FRAS1: variants seen among roughly 807,000 people sequenced by gnomAD.
FRAS1 encodes the protein extracellular matrix organizing protein FRAS1.
In FRAS1, 290 loss-of-function variants were observed where a neutral mutation model predicts 435.2. The observed-to-expected ratio is 0.67, with a 90% CI of 0.61 to 0.73. FRAS1 has a LOEUF of 0.73. FRAS1 is among the 30% of genes least tolerant of loss of function. The pLI, the probability that FRAS1 is intolerant of heterozygous loss-of-function variation, is 0.00. For synonymous variants in FRAS1, 1,800 were observed against 1,851.0 expected, an observed-to-expected ratio of 0.97 and a Z score of 0.71; for missense variants, 4,860 against 5,001.5, an observed-to-expected ratio of 0.97 and a Z score of 0.85.
chr4:78,218,210 CTT>C lies in FRAS1; in HGVS notation c.109-19299_109-19298del, dbSNP rs1723886768. 2.0e-5 allele frequency among the ~76,000 whole-genome samples: 3 copies of C among 149,358 alleles called. No homozygotes were observed. The South Asian group carries it at 6.5e-4, about 33-fold the overall frequency. ...ATCCTGGTTTCTCCTCTCTTGGACT[CTT>C]AAGAAATCTGATTGATTTTGGAGAA... is the stretch of plus-strand genomic sequence containing the variant. On this transcript the variant is annotated intron_variant, in intron 2 of 73. Coordinates refer to ENST00000512123, the MANE Select transcript of FRAS1 (RefSeq NM_025074.7).
chr4:78,450,115 T>A, intron 44 of FRAS1, 36 bp from the exon 45 acceptor site: 4 of 1,542,466 alleles, frequency 2.6e-6, no homozygotes, highest in Non-Finnish European at 3.5e-6. Flanking sequence ...AAGGAAATGT[T>A]GGGGAATAAC....
intron 67 of FRAS1, 129 bp downstream of exon 67, chr4:78,519,610 C>T (rs1578371055): frequency 6.8e-6 from 7 of 1,022,904 alleles, no homozygotes; most frequent in South Asian, 1.5e-5. Context: ...AGTGGGGCCA[C>T]CTCAAAGTGC....
At chr4:78,467,657 C>G (rs1185278824) in intron 50 of FRAS1, among the ~76,000 whole-genome samples, 1 of 152,188 alleles carries the variant, frequency 6.6e-6, no homozygotes, top group African/African-American at 2.4e-5. Context: ...AAACTGTTCT[C>G]TATAGTGGTT....
At chr4:78,343,143 T>C (rs1193352931) in intron 20 of FRAS1, among the ~76,000 whole-genome samples, 1 of 152,200 alleles carries the variant, frequency 6.6e-6, no homozygotes, top group Non-Finnish European at 1.5e-5. Flanking sequence ...GGTAAGCAAC[T>C]TTCTTTATTG....
At chr4:78,203,312 G>A (rs1578183494) in intron 2 of FRAS1, among the ~76,000 whole-genome samples, 2 of 152,134 alleles carry the variant, frequency 1.3e-5, no homozygotes, top group East Asian at 3.9e-4. Context: ...GAGGGATAAA[G>A]AAACTGAGGG....
chr4:78,278,831 C>T (rs1174566647), intron 10 of FRAS1, 87 bp downstream of exon 10: 6 of 816,166 alleles, frequency 7.4e-6, no homozygotes, highest in African/African-American at 3.4e-5. Flanking sequence ...GTTTCTTTTG[C>T]CCATTCATTT....
intron 2 of FRAS1, among the ~76,000 whole-genome samples, chr4:78,123,853 T>A (rs1021079961): frequency 6.6e-6 from 1 of 152,224 alleles, no homozygotes; most frequent in African/African-American, 2.4e-5. Flanking sequence ...CTGAAGCTGC[T>A]TATCAGCTTA....
intron 41 of FRAS1, among the ~76,000 whole-genome samples, chr4:78,443,827 TTTAGGCATCATTTACTTTAC>T: frequency 6.6e-6 from 1 of 152,330 alleles, no homozygotes; most frequent in East Asian, 1.9e-4. Flanking sequence ...TGTGTATATT[TTTAGGCATCATTTACTTTAC>T]TTAGGCTTTT....
At chr4:78,307,131 G>T (rs1560642756) in intron 14 of FRAS1, among the ~76,000 whole-genome samples, 2 of 152,202 alleles carry the variant, frequency 1.3e-5, no homozygotes, top group South Asian at 4.1e-4. Flanking sequence ...GCACTGTGAG[G>T]TGTCAGTCTG....
At chr4:78,409,798 G>A (rs1269795826) in intron 31 of FRAS1, among the ~76,000 whole-genome samples, 1 of 152,170 alleles carries the variant, frequency 6.6e-6, no homozygotes, top group Non-Finnish European at 1.5e-5. Context: ...CTTTTCCTTT[G>A]TCTAGGAATC....
chr4:78,073,304 T>C (rs1405136112), intron 2 of FRAS1, among the ~76,000 whole-genome samples: 3 of 152,324 alleles, frequency 2.0e-5, no homozygotes, highest in African/African-American at 4.8e-5. Context: ...TTTATTCTTA[T>C]TCATATTTGT....
intron 11 of FRAS1, 138 bp downstream of exon 11, chr4:78,281,571 A>G: frequency 1.8e-6 from 1 of 543,132 alleles, no homozygotes; most frequent in East Asian, 3.4e-5. Context: ...TCAGGAATTA[A>G]GAATCTTAAT....
chr4:78,073,355 T>TA (rs1171183256), intron 2 of FRAS1, among the ~76,000 whole-genome samples: 3 of 152,188 alleles, frequency 2.0e-5, no homozygotes, highest in Middle Eastern at 3.2e-3. Flanking sequence ...ACACATTTCT[T>TA]ATGCTTTGTT....
At chr4:78,338,784 C>T (rs979520906) in intron 20 of FRAS1, among the ~76,000 whole-genome samples, 7 of 152,276 alleles carry the variant, frequency 4.6e-5, no homozygotes, top group South Asian at 2.1e-4. Context: ...CTCGGCTGTT[C>T]GGTCTGGTGG....
chr4:78,473,359 C>T lies in FRAS1; in HGVS notation c.7523-79C>T. 3 of 1,144,888 alleles carry T rather than the reference C, an allele frequency of 2.6e-6. No individual in the cohort carries two copies. The East Asian group carries it at 7.5e-5, about 29-fold the overall frequency. The allele number at this position is 1,144,888 out of a possible 1,614,324, so 70.9% of individuals were successfully genotyped here. Reference sequence around the variant, plus strand: ...GTCTGTAATACATTAGAAGAATAAACTAGGTTTGTTGGTGTGGTAATCTAT... The same window carrying T: ...GTCTGTAATACATTAGAAGAATAAATTAGGTTTGTTGGTGTGGTAATCTAT... On this transcript the variant is annotated intron_variant, in intron 52 of 73. Coordinates refer to ENST00000512123, the MANE Select transcript of FRAS1 (RefSeq NM_025074.7).
At chr4:78,441,966 A>T (rs894925795) in intron 41 of FRAS1, among the ~76,000 whole-genome samples, 5 of 152,184 alleles carry the variant, frequency 3.3e-5, no homozygotes, top group African/African-American at 1.2e-4. Flanking sequence ...GTGACTGGCA[A>T]TTGAGACAGC....
At chr4:78,302,026 A>C (rs1228426444) in intron 14 of FRAS1, among the ~76,000 whole-genome samples, 12 of 148,238 alleles carry the variant, frequency 8.1e-5, no homozygotes, top group Non-Finnish European at 1.2e-4. Flanking sequence ...CACAACAGTC[A>C]CCAGAGTGTG....
chr4:78,117,419 C>T (rs562045322), intron 2 of FRAS1, among the ~76,000 whole-genome samples: 1 of 152,296 alleles, frequency 6.6e-6, no homozygotes, highest in East Asian at 1.9e-4. Flanking sequence ...TAATATCCTG[C>T]AGAGTGTTTT....
At chr4:78,098,989 C>T (rs1329451009) in intron 2 of FRAS1, among the ~76,000 whole-genome samples, 1 of 152,198 alleles carries the variant, frequency 6.6e-6, no homozygotes, top group African/African-American at 2.4e-5. Flanking sequence ...ACAGCAGAAC[C>T]TCGAGCTCCT....
Sources: gnomAD v4.1 joint callset for allele counts (sites outside exome capture counted in the v4.1 genomes callset) on GRCh38, gnomAD v4.1.1 for gene constraint, MANE v1.5 for transcripts, NCBI Gene and HGNC (gene_info 2026-07-23, HGNC 2026-07-21) for gene names.